Variants in IL18RAP observed in about 807,000 individuals in gnomAD.
IL18RAP encodes interleukin 18 receptor accessory protein.
A neutral mutation model predicts 58.1 loss-of-function variants in IL18RAP; 37 were observed. The ratio of observed to expected loss-of-function variants is 0.64; its 90% confidence interval spans 0.49 to 0.84. IL18RAP has a LOEUF of 0.84. Among genes scored for constraint, IL18RAP ranks in the 40% least tolerant of loss-of-function variants. The pLI is 0.00. For synonymous variants in IL18RAP, 268 were observed against 257.5 expected (o/e 1.04, Z -0.39); for missense variants, 667 against 704.8 (o/e 0.95, Z 0.61).
At chr2:102,423,519 G>A (rs1249523801) in intron 1 of IL18RAP, among the ~76,000 whole-genome samples, 172 bp downstream of exon 1, 2 of 152,172 alleles carry the variant, frequency 1.3e-5, no homozygotes, top group Admixed American at 6.5e-5. Context: ...CTGATACCAA[G>A]CATTGTCGAG....
chr2:102,419,126 T>TA (rs1216526976), upstream of IL18RAP, among the ~76,000 whole-genome samples: 1 of 152,178 alleles, frequency 6.6e-6, no homozygotes, highest in Non-Finnish European at 1.5e-5. Context: ...AGTCTTCACT[T>TA]AAAAAAACTG....
At chr2:102,431,164 C>T (rs942816664) in intron 3 of IL18RAP, among the ~76,000 whole-genome samples, 8 of 152,160 alleles carry the variant, frequency 5.3e-5, no homozygotes, top group Non-Finnish European at 1.0e-4. Flanking sequence ...AGTTTAATTT[C>T]CCTCTCATTT....
At chr2:102,430,449 T>G (rs1340168649) in intron 3 of IL18RAP, among the ~76,000 whole-genome samples, 1 of 152,072 alleles carries the variant, frequency 6.6e-6, no homozygotes, top group Non-Finnish European at 1.5e-5. Context: ...ATATGTGTCC[T>G]TATTAGTAAA....
chr2:102,419,441 C>T (rs887559293), upstream of IL18RAP: 1 of 152,324 alleles, frequency 6.6e-6, no homozygotes, highest in Non-Finnish European at 1.5e-5. Flanking sequence ...TTGATGGTGA[C>T]ATTTCTCTCC....
chr2:102,443,412 G>T (rs1683224832), intron 6 of IL18RAP, 89 bp downstream of exon 6: 1 of 1,432,156 alleles, frequency 7.0e-7, no homozygotes, highest in Non-Finnish European at 9.4e-7. Flanking sequence ...AGTTGATGGT[G>T]TAGCCACCAG....
intron 6 of IL18RAP, among the ~76,000 whole-genome samples, 173 bp from the exon 7 acceptor site, chr2:102,445,016 T>C (rs569475562): frequency 2.6e-5 from 4 of 152,236 alleles, no homozygotes; most frequent in African/African-American, 9.6e-5. Context: ...GAGTCAATAA[T>C]TGAATCAAGA....
chr2:102,423,434 A>G, intron 1 of IL18RAP, 87 bp downstream of exon 1: 1 of 1,104,274 alleles, frequency 9.1e-7, no homozygotes, highest in Non-Finnish European at 1.4e-6. Flanking sequence ...GCAGTGTGAT[A>G]TATTAATACA....
chr2:102,450,401 T>C (rs1292406158), intron 8 of IL18RAP, among the ~76,000 whole-genome samples: 1 of 152,140 alleles, frequency 6.6e-6, no homozygotes, highest in African/African-American at 2.4e-5. Flanking sequence ...TATCAGCATA[T>C]GGGCCATCAA....
intron 3 of IL18RAP, among the ~76,000 whole-genome samples, chr2:102,427,563 C>A (rs1026176304): frequency 6.6e-6 from 1 of 151,918 alleles, no homozygotes; most frequent in African/African-American, 2.4e-5. Flanking sequence ...TTAAAATGGG[C>A]TATTTGTTTT....
At position 102,452,271 on chromosome 2, in the gene IL18RAP, G is replaced by A; in HGVS notation, c.*90G>A. The stretch of plus-strand genomic sequence containing the variant: ...AGCTCTGTGTGTGTGTGTTCAGGCT[G>A]ATAGGAAATTCAAAGAGTCTCCTGC... On this transcript the variant is annotated 3_prime_UTR_variant, in exon 10 of 10. Transcript: ENST00000687160. 1.6e-6 allele frequency: 2 copies of A among 1,270,512 alleles called. No homozygotes were observed. The highest frequency in any genetic ancestry group is 2.2e-6 in the Non-Finnish European group (2 of 916,682). The allele number at this position is 1,270,512 out of a possible 1,614,324, so 78.7% of individuals were successfully genotyped here.
chr2:102,429,427 C>G (rs72989925), intron 3 of IL18RAP, among the ~76,000 whole-genome samples: 5,540 of 151,890 alleles, frequency 0.036, 324 homozygotes, highest in African/African-American at 0.13. Flanking sequence ...TCTACTCTTT[C>G]ATTTCTGATT....
chr2:102,445,771 A>G (rs1683376017), intron 7 of IL18RAP, among the ~76,000 whole-genome samples: 1 of 152,096 alleles, frequency 6.6e-6, no homozygotes, highest in Admixed American at 6.5e-5. Context: ...AGAGAGAAGG[A>G]GTAATCTTGT....
intron 3 of IL18RAP, chr2:102,434,093 A>G (rs1682575939): frequency 6.6e-6 from 1 of 152,244 alleles, no homozygotes; most frequent in Non-Finnish European, 1.5e-5. Context: ...CCATTTGATT[A>G]TTCTCACTAT....
At position 102,452,024 on chromosome 2, in the gene IL18RAP, A is replaced by G; in HGVS notation, c.1643A>G (p.Asn548Ser). ...TWRGLKSVPP[N>S]SRFWAKMRYH... ...AGAGGCTTAAAATCAGTTCCTCCCA[A>G]TTCTAGGTTCTGGGCCAAAATGCGC... The change falls in exon 10 of 10, where the codon AAT (asparagine) becomes AGT (serine). Residue 548 changes from asparagine to serine, a missense_variant. By Grantham distance (46) the Asn-to-Ser change is conservative (BLOSUM62 1). Transcript: ENST00000687160. 6.2e-7 allele frequency: 1 copy of G among 1,614,150 alleles called. No individual in the cohort carries two copies. Among genetic ancestry groups the G allele is most frequent in the Non-Finnish European group, 8.5e-7 (1 of 1,180,038 alleles).
intron 8 of IL18RAP, among the ~76,000 whole-genome samples, chr2:102,450,387 C>T (rs1683690010): frequency 6.6e-6 from 1 of 152,074 alleles, no homozygotes; most frequent in African/African-American, 2.4e-5. Flanking sequence ...TATGGGGATT[C>T]ACATATCAGC....
chr2:102,428,762 T>G (rs1682137294), intron 3 of IL18RAP, among the ~76,000 whole-genome samples: 1 of 151,880 alleles, frequency 6.6e-6, no homozygotes, highest in African/African-American at 2.4e-5. Context: ...GTAGTAAGAG[T>G]GCACATTCTT....
chr2:102,452,289 T>C lies in IL18RAP; in HGVS notation c.*108T>C. 9.0e-7 allele frequency: 1 copy of C among 1,108,232 alleles called. No homozygotes were observed. Among genetic ancestry groups the C allele is most frequent in the Non-Finnish European group, 1.3e-6 (1 of 777,510 alleles). The allele number at this position is 1,108,232 out of a possible 1,614,324, so 68.6% of individuals were successfully genotyped here. A position where few individuals can be genotyped will look rare whatever the true frequency, so the allele number is the denominator to read the frequency against. ...TCAGGCTGATAGGAAATTCAAAGAGTCTCCTGCCAGCACCAAGCAAGCTTG... is the reference window on the plus strand; with the variant it reads ...TCAGGCTGATAGGAAATTCAAAGAGCCTCCTGCCAGCACCAAGCAAGCTTG... On this transcript the variant is annotated 3_prime_UTR_variant, in exon 10 of 10. Transcript: ENST00000687160.
At position 102,452,463 on chromosome 2, in the gene IL18RAP, C is replaced by T; in HGVS notation, c.*282C>T. 2 of 377,068 alleles carry T rather than the reference C, an allele frequency of 5.3e-6. No individual in the cohort carries two copies. The highest frequency in any genetic ancestry group is 9.5e-6 in the Non-Finnish European group (2 of 210,748). The allele number at this position is 377,068 out of a possible 1,614,324, so 23.4% of individuals were successfully genotyped here. A position where few individuals can be genotyped will look rare whatever the true frequency, so the allele number is the denominator to read the frequency against. On this transcript the variant is annotated 3_prime_UTR_variant, in exon 10 of 10. Transcript: ENST00000687160. ...GTGGTCCGAGCAGAATCAGAAAATA[C>T]AGCTACTTCTGCCTTATGGCTAGGG...
chr2:102,450,444 C>T (rs746176889), intron 8 of IL18RAP, among the ~76,000 whole-genome samples: 19 of 152,064 alleles, frequency 1.2e-4, no homozygotes, highest in Non-Finnish European at 2.5e-4. Flanking sequence ...TCCTTGGATA[C>T]GATGTGCTGG....
Sources: allele counts gnomAD v4.1 joint callset (sites outside exome capture counted in the v4.1 genomes callset), GRCh38; gene constraint gnomAD v4.1.1; transcripts MANE v1.5; gene names NCBI Gene and HGNC (gene_info 2026-07-23, HGNC 2026-07-21).